The following SCFD2 variants were observed in gnomAD, a reference collection of about 807,000 sequenced individuals.
SCFD2 encodes the protein sec1 family domain containing 2, also known as sec1 family domain-containing protein 2.
In SCFD2, 54 loss-of-function variants were observed where a neutral mutation model predicts 58.9. The ratio of observed to expected loss-of-function variants is 0.92; its 90% CI spans 0.74 to 1.15. SCFD2 has a LOEUF of 1.15. SCFD2 is among the 50% of genes most tolerant of loss of function. The pLI, the probability that SCFD2 is intolerant of heterozygous loss-of-function variation, is 0.00. For synonymous variants in SCFD2, 321 were observed against 335.9 expected (o/e 0.96, Z 0.49); for missense variants, 805 against 836.6 (o/e 0.96, Z 0.47).
intron 4 of SCFD2, among the ~76,000 whole-genome samples, chr4:53,243,441 T>TA (rs958670995): frequency 2.0e-5 from 3 of 151,988 alleles, no homozygotes; most frequent in Non-Finnish European, 4.4e-5. Flanking sequence ...AAAGAATTAA[T>TA]AATTACCAGA....
intron 4 of SCFD2, among the ~76,000 whole-genome samples, chr4:53,201,011 T>A (rs1163354545): frequency 6.6e-6 from 1 of 151,856 alleles, no homozygotes; most frequent in Non-Finnish European, 1.5e-5. Context: ...TTAATTTAAT[T>A]TAATTTTTTA....
intron 5 of SCFD2, among the ~76,000 whole-genome samples, chr4:52,939,430 T>C (rs1328489050): frequency 6.6e-6 from 1 of 152,138 alleles, no homozygotes; most frequent in African/African-American, 2.4e-5. Context: ...GTGATTATAC[T>C]ATGTTGTCTA....
At chr4:53,077,978 T>G (rs1361079546) in intron 5 of SCFD2, among the ~76,000 whole-genome samples, 2 of 152,182 alleles carry the variant, frequency 1.3e-5, no homozygotes, top group Non-Finnish European at 2.9e-5. Context: ...GTATGATTAA[T>G]GTTAAGCTCC....
At chr4:52,925,836 G>A (rs1414444830) in intron 5 of SCFD2, among the ~76,000 whole-genome samples, 1 of 152,084 alleles carries the variant, frequency 6.6e-6, no homozygotes, top group Non-Finnish European at 1.5e-5. Flanking sequence ...GGTGCCCTAT[G>A]TTCTTCCATA....
chr4:53,258,127 G>T (rs1403289962), intron 4 of SCFD2, among the ~76,000 whole-genome samples: 1 of 152,172 alleles, frequency 6.6e-6, no homozygotes, highest in African/African-American at 2.4e-5. Context: ...CCATCTTCCT[G>T]ACTGCCAACC....
intron 5 of SCFD2, among the ~76,000 whole-genome samples, chr4:53,127,004 G>A (rs1725648835): frequency 6.6e-6 from 1 of 152,060 alleles, no homozygotes; most frequent in Non-Finnish European, 1.5e-5. Flanking sequence ...AAGGAAAGAA[G>A]AGAAAAGCAA....
intron 4 of SCFD2, among the ~76,000 whole-genome samples, chr4:53,184,290 G>A (rs923423709): frequency 1.4e-4 from 21 of 152,204 alleles, no homozygotes; most frequent in African/African-American, 4.3e-4. Context: ...TCTTGCCAAT[G>A]GGAGGGTGGG....
chr4:53,052,826 G>A (rs942434310), intron 5 of SCFD2, among the ~76,000 whole-genome samples: 3 of 152,084 alleles, frequency 2.0e-5, no homozygotes, highest in South Asian at 2.1e-4. Flanking sequence ...AAGCTACTGC[G>A]ACATGCAACA....
In SCFD2 at chr4:53,268,904, G is replaced by A. The variant is rs1378871888; in HGVS notation, c.1311+4922C>T. On this transcript the variant is annotated intron_variant, in intron 4 of 8. Coordinates refer to ENST00000401642, the MANE Select transcript of SCFD2 (RefSeq NM_152540.4). ...ATTGGAAGATTAGTTACACACAGTGGGGATGATAAAGTAATTAAATATGTC... is the reference window on the plus strand; with the variant it reads ...ATTGGAAGATTAGTTACACACAGTGAGGATGATAAAGTAATTAAATATGTC... Among the ~76,000 whole-genome samples, 3 of 152,130 alleles carry A rather than the reference G, an allele frequency of 2.0e-5. No homozygotes were observed. The East Asian group carries it at 5.8e-4, about 29-fold the overall frequency.
intron 8 of SCFD2, among the ~76,000 whole-genome samples, chr4:52,885,477 T>A (rs1228733259): frequency 6.6e-6 from 1 of 152,120 alleles, no homozygotes; most frequent in East Asian, 1.9e-4. Context: ...TGGCTTGGTG[T>A]CATAGCATTT....
chr4:52,903,306 G>C (rs188792558), intron 7 of SCFD2, among the ~76,000 whole-genome samples: 1 of 152,248 alleles, frequency 6.6e-6, no homozygotes, highest in Admixed American at 6.5e-5. Context: ...TGCTTCTTTG[G>C]GGTTACCTAC....
rs372686479 is a variant in SCFD2, at chr4:52,882,166, A to T, written c.1962+3581T>A. 4.6e-5 allele frequency among the ~76,000 whole-genome samples: 7 copies of T among 152,288 alleles called. No individual in the cohort carries two copies. The East Asian group carries it at 1.2e-3, about 25-fold the overall frequency. The stretch of plus-strand genomic sequence containing the variant: ...GTCAGGGGATTCAGGTCCATTTCAC[A>T]GGGTAAGAGTGGGGTGGCTACAGGA... On this transcript the variant is annotated intron_variant, in intron 8 of 8. Transcript: ENST00000401642.
intron 2 of SCFD2, among the ~76,000 whole-genome samples, chr4:53,324,420 C>CA (rs34865805): frequency 0.49 from 45,740 of 93,676 alleles, 11,581 homozygotes; most frequent in Non-Finnish European, 0.56. Context: ...CCTGTCTCTC[C>CA]AAAAAAAAAA....
At chr4:53,297,463 G>GA (rs1732081135) in intron 3 of SCFD2, among the ~76,000 whole-genome samples, 3 of 145,998 alleles carry the variant, frequency 2.1e-5, no homozygotes. Flanking sequence ...GCAACCCTTG[G>GA]TTTTTTTTTT....
At chr4:53,306,988 G>A (rs1475186846) in intron 3 of SCFD2, among the ~76,000 whole-genome samples, 3 of 152,244 alleles carry the variant, frequency 2.0e-5, no homozygotes, top group African/African-American at 7.2e-5. Flanking sequence ...CTGGCAGGAA[G>A]AAGCCAGGCA....
At position 52,896,437 on chromosome 4, in the gene SCFD2, T is replaced by C. The variant is rs539620209; in HGVS notation, c.1843-10571A>G. Among the ~76,000 whole-genome samples, 629 of 152,334 alleles carry C rather than the reference T, an allele frequency of 4.1e-3. 2 individuals carry two copies. The highest frequency in any genetic ancestry group is 0.015 in the African/African-American group (607 of 41,558). On this transcript the variant is annotated intron_variant, in intron 7 of 8. Transcript: ENST00000401642. ...ATAGGGATCCTTTCCCCATTGCTTG[T>C]TTTTGTCAGGTTTGTCAAAGATCAG...
At chr4:53,329,033 G>C (rs538816255) in intron 2 of SCFD2, among the ~76,000 whole-genome samples, 1 of 152,176 alleles carries the variant, frequency 6.6e-6, no homozygotes, top group East Asian at 1.9e-4. Flanking sequence ...TGTGCTTTTC[G>C]GACCGGGTTA....
At chr4:53,171,749 G>A (rs1727183374) in intron 4 of SCFD2, among the ~76,000 whole-genome samples, 1 of 151,930 alleles carries the variant, frequency 6.6e-6, no homozygotes, top group South Asian at 2.1e-4. Context: ...GAATGTATCA[G>A]TTTCTTCTAG....
At chr4:53,065,381 T>C (rs751755096) in intron 5 of SCFD2, among the ~76,000 whole-genome samples, 1 of 152,150 alleles carries the variant, frequency 6.6e-6, no homozygotes, top group South Asian at 2.1e-4. Flanking sequence ...AGAAAATGAA[T>C]ACTTCTACTG....
Sources: allele counts gnomAD v4.1 joint callset (sites outside exome capture counted in the v4.1 genomes callset), GRCh38; gene constraint gnomAD v4.1.1; transcripts MANE v1.5; gene names NCBI Gene and HGNC (gene_info 2026-07-23, HGNC 2026-07-21).